PDE4DIP: variants seen among roughly 807,000 people sequenced by gnomAD.
PDE4DIP encodes myomegalin.
PDE4DIP carries 59 observed loss-of-function variants against 221.4 expected under a neutral mutation model. That is an observed-to-expected ratio of 0.27 (90% CI 0.22 to 0.33). PDE4DIP has a LOEUF of 0.33. Among genes scored for constraint, PDE4DIP ranks in the 10% least tolerant of loss-of-function variants. The probability of loss-of-function intolerance (pLI) is 1.00; values close to 1 mark genes in which losing one functional copy is unlikely to be tolerated. For missense variants in PDE4DIP, 1,036 were observed against 2,154.2 expected (o/e 0.48, Z 10.28); for synonymous variants, 404 against 815.9 (o/e 0.50, Z 8.60).
chr1:148,956,403 G>T (rs1364731421), intron 5 of PDE4DIP, among the ~76,000 whole-genome samples: 6 of 149,224 alleles, frequency 4.0e-5, no homozygotes, highest in South Asian at 2.1e-4. Context: ...CTTTTTCTTT[G>T]TTCCTTTCTT....
At chr1:148,961,065 G>A (rs1222212817) in intron 6 of PDE4DIP, among the ~76,000 whole-genome samples, 1 of 152,156 alleles carries the variant, frequency 6.6e-6, no homozygotes, top group African/African-American at 2.4e-5. Context: ...CCAGTGCTTT[G>A]GGAGGCCAAG....
At chr1:148,866,568 G>T (rs1572203568) in intron 2 of PDE4DIP, 1 of 34,352 alleles carries the variant, frequency 2.9e-5, no homozygotes, top group Non-Finnish European at 5.4e-5. Flanking sequence ...AGGGAAGGAA[G>T]GAAGGAAGGA....
exon 21 of PDE4DIP, chr1:148,981,299 A>G: frequency 6.2e-7 from 1 of 1,613,790 alleles, no homozygotes; most frequent in Non-Finnish European, 8.5e-7. Context: ...CTGCAGGTGG[A>G]ACTGGAAGGG....
intron 4 of PDE4DIP, among the ~76,000 whole-genome samples, chr1:148,935,003 C>G (rs12063558): frequency 2.0e-5 from 3 of 148,538 alleles, no homozygotes; most frequent in Non-Finnish European, 4.5e-5. Context: ...GCGGGCGGAT[C>G]ACGAGATTAA....
Position 148,893,099 on chromosome 1 carries a change from G to GTGTGTGTGTA in PDE4DIP, c.141+3208_141+3209insGTGTGTATGT, listed in dbSNP as rs1699321516. Among the ~76,000 whole-genome samples the GTGTGTGTGTA allele has an allele frequency of 3.2e-5, 4 of 125,790 alleles. No individual in the cohort carries two copies. The East Asian group carries it at 7.6e-4, about 24-fold the overall frequency. The allele number at this position is 125,790 out of a possible 152,430, so 82.5% of individuals were successfully genotyped here. A position where few individuals can be genotyped will look rare whatever the true frequency, so the allele number is the denominator to read the frequency against. On this transcript the variant is annotated intron_variant, in intron 1 of 43. Coordinates refer to ENST00000369354, the Ensembl canonical transcript of PDE4DIP. ...TGTGTGTGTGTGTGTGTGTGTGTGTGTGTATGTATTTTTTTTTTTTTTTTT... is the reference window on the plus strand; with the variant it reads ...TGTGTGTGTGTGTGTGTGTGTGTGTGTGTGTGTGTATGTATGTATTTTTTTTTTTTTTTTT...
In PDE4DIP at chr1:148,838,610, C is replaced by T. The variant is rs1316058960; in HGVS notation, c.234-24640C>T. Among the ~76,000 whole-genome samples, 20 of 113,836 alleles carry T rather than the reference C, an allele frequency of 1.8e-4. 2 individuals carry two copies. Among genetic ancestry groups the T allele is most frequent in the African/African-American group, 5.6e-4 (19 of 34,000 alleles). The allele number at this position is 113,836 out of a possible 152,430, so 74.7% of individuals were successfully genotyped here. A position where few individuals can be genotyped will look rare whatever the true frequency, so the allele number is the denominator to read the frequency against. ...AGCAAGTCCTGCCTCTTTATAATTC[C>T]TCTAAATTCTGCTTAAAAACCAAAT... On this transcript the variant is annotated intron_variant, in intron 1 of 45. Coordinates refer to the PDE4DIP transcript ENST00000524974.
chr1:149,028,840 G>C (rs2075917154), intron 41 of PDE4DIP, 137 bp downstream of exon 44: 1 of 629,536 alleles, frequency 1.6e-6, no homozygotes. Context: ...ACTTAGAGGA[G>C]TGTCCCTGGA....
intron 17 of PDE4DIP, among the ~76,000 whole-genome samples, chr1:148,974,934 T>C (rs2059842114): frequency 1.2e-5 from 1 of 86,790 alleles, no homozygotes; most frequent in Non-Finnish European, 2.3e-5. Context: ...GAGGCCGAGG[T>C]GGGCGGATCA....
chr1:148,915,074 C>T (rs1301401546), intron 1 of PDE4DIP, among the ~76,000 whole-genome samples: 118 of 150,408 alleles, frequency 7.8e-4, no homozygotes, highest in Non-Finnish European at 2.1e-4. Context: ...AGAATGTAAC[C>T]CGAGATGTGT....
intron 21 of PDE4DIP, among the ~76,000 whole-genome samples, chr1:148,987,766 T>A (rs2062168651): frequency 6.6e-6 from 1 of 152,082 alleles, no homozygotes; most frequent in Admixed American, 6.6e-5. Context: ...TTTGGACTCA[T>A]TACTAAAGAA....
rs782670868 is a variant in PDE4DIP, at chr1:149,028,719, C to G, written c.6813+16C>G. On this transcript the variant is annotated intron_variant, in intron 41 of 43. Transcript: ENST00000369354. The stretch of plus-strand genomic sequence containing the variant: ...TGGCAAAGTGGTAAGATGCCAGTGC[C>G]CTTTCTTGGTTCAAACCCAGTTCTC... 2 of 1,503,984 alleles carry G rather than the reference C, an allele frequency of 1.3e-6. No individual in the cohort carries two copies. The highest frequency in any genetic ancestry group is 1.7e-5 in the Admixed American group (1 of 58,760). The allele number at this position is 1,503,984 out of a possible 1,614,324, so 93.2% of individuals were successfully genotyped here. A position where few individuals can be genotyped will look rare whatever the true frequency, so the allele number is the denominator to read the frequency against.
At chr1:149,029,643 G>C (rs1471803913) in intron 41 of PDE4DIP, 144 bp from the exon 45 acceptor site, 1 of 699,882 alleles carries the variant, frequency 1.4e-6, no homozygotes, top group African/African-American at 1.8e-5. Flanking sequence ...CTCAGCTGGA[G>C]GTATCCGAGG....
chr1:148,984,961 G>A (rs1282541017), intron 21 of PDE4DIP: 1 of 152,040 alleles, frequency 6.6e-6, no homozygotes, highest in Non-Finnish European at 1.5e-5. Context: ...GTATCATGTA[G>A]TATTCTGCAG....
At chr1:148,820,548 TC>T in intron 1 of PDE4DIP, among the ~76,000 whole-genome samples, 1 of 92,912 alleles carries the variant, frequency 1.1e-5, no homozygotes, top group East Asian at 3.4e-4. Context: ...GCCTGGAAAC[TC>T]CATCTCAAAA....
At position 149,023,604 on chromosome 1, in the gene PDE4DIP, ATG is replaced by A. The variant is rs2073866449; in HGVS notation, c.6086-836_6086-835del. 3.9e-4 allele frequency among the ~76,000 whole-genome samples: 54 copies of A among 136,770 alleles called. 11 individuals carry two copies. Among genetic ancestry groups the A allele is most frequent in the Admixed American group, 3.4e-3 (47 of 13,912 alleles). The allele number at this position is 136,770 out of a possible 152,430, so 89.7% of individuals were successfully genotyped here. A position where few individuals can be genotyped will look rare whatever the true frequency, so the allele number is the denominator to read the frequency against. On this transcript the variant is annotated intron_variant, in intron 37 of 43. Transcript: ENST00000369354. Reference sequence around the variant, plus strand: ...GTACATGTCATATATGTACATGTATATGTGTGCACATATATATGTACATGTAT... The same window carrying A: ...GTACATGTCATATATGTACATGTATATGTGCACATATATATGTACATGTAT...
chr1:149,014,000 C>T (rs1285431028), intron 32 of PDE4DIP, among the ~76,000 whole-genome samples: 1 of 151,992 alleles, frequency 6.6e-6, no homozygotes, highest in Non-Finnish European at 1.5e-5. Flanking sequence ...GTTGCCAAGA[C>T]TGGTCTAGAG....
At chr1:148,950,144 TAATAGGA>T (rs2052792171) in intron 5 of PDE4DIP, among the ~76,000 whole-genome samples, 1 of 152,026 alleles carries the variant, frequency 6.6e-6, no homozygotes, top group Non-Finnish European at 1.5e-5. Flanking sequence ...CACATTTTCC[TAATAGGA>T]AAATGTGGCT....
chr1:148,967,084 TAAGGGGG>T, intron 12 of PDE4DIP, 108 bp downstream of exon 15: 1 of 522,510 alleles, frequency 1.9e-6, no homozygotes, highest in Non-Finnish European at 3.4e-6. Context: ...TTTTGCTTTA[TAAGGGGG>T]AAGAAAACCA....
chr1:148,981,336 A>G, exon 21 of PDE4DIP: 1 of 1,614,058 alleles, frequency 6.2e-7, no homozygotes, highest in African/African-American at 1.3e-5. Flanking sequence ...GTCGGCTAGA[A>G]GAAGTTCTTG....
Sources: gnomAD v4.1 joint callset for allele counts (sites outside exome capture counted in the v4.1 genomes callset) on GRCh38, gnomAD v4.1.1 for gene constraint, MANE v1.5 for transcripts, NCBI Gene and HGNC (gene_info 2026-07-23, HGNC 2026-07-21) for gene names.